The following CMIP variants were observed in gnomAD, a reference collection of about 807,000 sequenced individuals.
The protein encoded by CMIP is c-Maf inducing protein, also known as C-Maf-inducing protein.
Under a neutral mutation model 97.3 loss-of-function variants are expected in CMIP, and 13 were observed. That is an observed-to-expected ratio of 0.13 (90% CI 0.09 to 0.21). The LOEUF (loss-of-function observed/expected upper bound fraction) is 0.21. Among genes scored for constraint, CMIP ranks in the 10% least tolerant of loss-of-function variants. The pLI is 1.00. For synonymous variants in CMIP, 538 were observed against 436.3 expected, an observed-to-expected ratio of 1.23 and a Z score of -2.91; for missense variants, 847 against 1,024.9, an observed-to-expected ratio of 0.83 and a Z score of 2.37.
rs1362389398 is a variant in CMIP at position 81,621,201 on chromosome 16, T to G, written c.477+275T>G. The G allele has an allele frequency of 1.2e-5, 4 of 346,820 alleles. No homozygotes were observed. Among genetic ancestry groups the G allele is most frequent in the Non-Finnish European group, 2.2e-5 (4 of 185,298 alleles). The allele number at this position is 346,820 out of a possible 1,614,324, so 21.5% of individuals were successfully genotyped here. A position where few individuals can be genotyped will look rare whatever the true frequency, so the allele number is the denominator to read the frequency against. On this transcript the variant is annotated intron_variant, in intron 3 of 20. Transcript: ENST00000537098. The surrounding 1 kb of genome is among the most constrained non-coding windows in gnomAD (Gnocchi z 4.1). Reference sequence around the variant, plus strand: ...AAAAGGATCATAGAACTGCTTGCTCTCAGAGTGAGGGCGACCCTGAGGGGA... The same window carrying G: ...AAAAGGATCATAGAACTGCTTGCTCGCAGAGTGAGGGCGACCCTGAGGGGA...
Position 81,701,744 on chromosome 16 carries a change from G to C in CMIP, c.1840G>C (p.Val614Leu). 1 of 1,613,888 alleles carries C rather than the reference G, an allele frequency of 6.2e-7. No individual in the cohort carries two copies. The highest frequency in any genetic ancestry group is 8.5e-7 in the Non-Finnish European group (1 of 1,179,886). Residue 614 changes from valine (V) to leucine (L), a missense_variant, in exon 16 of 21, where the codon GTG becomes CTG. Val to Leu is a conservative substitution (Grantham distance 32). Around this residue, in one of 4 missense-constraint regions of CMIP, gnomAD observed 266 missense variants for 384.2 expected, o/e 0.69. Coordinates refer to ENST00000537098, the MANE Select transcript of CMIP (RefSeq NM_198390.3). ...CATCTCAACCCTGGAGAGCACAGACGTGGGGAAGCGCATGTACGAGCAGCT... is the reference window on the plus strand; with the variant it reads ...CATCTCAACCCTGGAGAGCACAGACCTGGGGAAGCGCATGTACGAGCAGCT... ...QIISTLESTD[V>L]GKRMYEQLCD...
chr16:81,592,522 C>T (rs1028087811), intron 1 of CMIP, among the ~76,000 whole-genome samples: 7 of 152,226 alleles, frequency 4.6e-5, no homozygotes, highest in South Asian at 4.1e-4. Flanking sequence ...CTTCCTCCTG[C>T]GGTGCCTTTG....
chr16:81,549,223 C>T (rs2090607222), intron 1 of CMIP, among the ~76,000 whole-genome samples: 1 of 152,210 alleles, frequency 6.6e-6, no homozygotes, highest in Admixed American at 6.5e-5. Flanking sequence ...GCAGGAGCAC[C>T]TGGGTGACCA....
chr16:81,448,529 G>C (rs1597440216), intron 1 of CMIP, among the ~76,000 whole-genome samples: 1 of 152,234 alleles, frequency 6.6e-6, no homozygotes. Context: ...TGTCTTACCG[G>C]TGGAGCCAGC....
chr16:81,502,499 A>G (rs539334845), intron 1 of CMIP, among the ~76,000 whole-genome samples: 1 of 152,240 alleles, frequency 6.6e-6, no homozygotes, highest in African/African-American at 2.4e-5. Context: ...CAGAACGGAG[A>G]TGTCCTCGTT....
At chr16:81,494,549 C>T (rs1156455216) in intron 1 of CMIP, among the ~76,000 whole-genome samples, 8 of 152,272 alleles carry the variant, frequency 5.3e-5, no homozygotes, top group African/African-American at 1.4e-4. Context: ...TCAGGAAGCA[C>T]GGTATCAAAG....
chr16:81,467,309 G>A lies in CMIP; in HGVS notation c.300+21768G>A, dbSNP rs148323451. 3.1e-3 allele frequency among the ~76,000 whole-genome samples: 473 copies of A among 152,280 alleles called. 2 individuals carry two copies. The highest frequency in any genetic ancestry group is 3.4e-3 in the Non-Finnish European group (229 of 68,024). ...GACAACCTTCTGCCCCGTTGGGAAG[G>A]TGGGACAAAGCCTGCCTAGTGAGGC... On this transcript the variant is annotated intron_variant, in intron 1 of 20. Transcript: ENST00000537098.
At chr16:81,647,313 G>T (rs1454067632) in intron 3 of CMIP, among the ~76,000 whole-genome samples, 6 of 152,152 alleles carry the variant, frequency 3.9e-5, no homozygotes, top group African/African-American at 9.7e-5. Context: ...GCAAATATTT[G>T]GGGCTTTGTG....
At chr16:81,496,652 A>G (rs926674249) in intron 1 of CMIP, among the ~76,000 whole-genome samples, 5 of 152,240 alleles carry the variant, frequency 3.3e-5, no homozygotes, top group African/African-American at 9.6e-5. Flanking sequence ...GGGATTTGGT[A>G]TCACAGCTGT....
At position 81,504,662 on chromosome 16, in the gene CMIP, A is replaced by G. The variant is rs199917108; in HGVS notation, c.300+59121A>G. ...GTCTCAAAAAAAAAAAAAAAAAAAA[A>G]AAAAGAAAAGAAAAGAAAAAATGGC... On this transcript the variant is annotated intron_variant, in intron 1 of 20. Coordinates refer to ENST00000537098, the MANE Select transcript of CMIP (RefSeq NM_198390.3). 0.011 allele frequency among the ~76,000 whole-genome samples: 1,631 copies of G among 142,080 alleles called. 75 individuals are homozygous for G. In the East Asian group the frequency reaches 0.19, roughly 17 times the overall value. 93.2% of individuals were successfully genotyped at this position (142,080 alleles called of 152,430 possible).
chr16:81,465,736 C>T (rs7184769), intron 1 of CMIP, among the ~76,000 whole-genome samples: 6 of 152,304 alleles, frequency 3.9e-5, no homozygotes, highest in African/African-American at 9.6e-5. Flanking sequence ...TGACCCAGCA[C>T]GGTGAGCTGT....
At chr16:81,695,148 G>T (rs1197527639) in intron 13 of CMIP, among the ~76,000 whole-genome samples, 1 of 152,214 alleles carries the variant, frequency 6.6e-6, no homozygotes, top group African/African-American at 2.4e-5. Context: ...CGGTCTGGAA[G>T]GAGCCAGCTC....
At chr16:81,609,574 A>G (rs1019392182) in intron 2 of CMIP, among the ~76,000 whole-genome samples, 2 of 152,258 alleles carry the variant, frequency 1.3e-5, no homozygotes, top group African/African-American at 4.8e-5. Context: ...ATGATTACGG[A>G]AATAATGGCT....
chr16:81,447,194 TG>T (rs1905908071), intron 1 of CMIP, among the ~76,000 whole-genome samples: 1 of 151,212 alleles, frequency 6.6e-6, no homozygotes, highest in South Asian at 2.1e-4. Flanking sequence ...ACCCCAGATC[TG>T]GCTTCAGAAT....
At chr16:81,485,996 C>G (rs764448008) in intron 1 of CMIP, among the ~76,000 whole-genome samples, 1 of 152,202 alleles carries the variant, frequency 6.6e-6, no homozygotes, top group Non-Finnish European at 1.5e-5. Context: ...AGCTCCCAGA[C>G]CTACTGCGGA....
chr16:81,484,926 C>T (rs557709989), intron 1 of CMIP, among the ~76,000 whole-genome samples: 1 of 152,062 alleles, frequency 6.6e-6, no homozygotes, highest in Non-Finnish European at 1.5e-5. Flanking sequence ...TCCCCTCCTG[C>T]CTTCCTCCTC....
chr16:81,455,498 C>A (rs1906492185), intron 1 of CMIP, among the ~76,000 whole-genome samples: 1 of 152,252 alleles, frequency 6.6e-6, no homozygotes, highest in African/African-American at 2.4e-5. Context: ...TACCCCTCCA[C>A]TTCCTTGTAA....
intron 1 of CMIP, among the ~76,000 whole-genome samples, chr16:81,553,580 C>T (rs371842255): frequency 2.0e-5 from 3 of 152,180 alleles, no homozygotes; most frequent in Non-Finnish European, 2.9e-5. Flanking sequence ...TCCTTTCACC[C>T]GGCAGTGGGG....
chr16:81,611,380 C>A (rs1215313010), intron 2 of CMIP: 1 of 152,194 alleles, frequency 6.6e-6, no homozygotes. Context: ...CAGTCTGCAC[C>A]CTGCTGCATT....
Sources: gnomAD v4.1 joint callset for allele counts (sites outside exome capture counted in the v4.1 genomes callset) on GRCh38, gnomAD v4.1.1 for gene constraint, gnomAD v4.1.1 regional missense constraint, Gnocchi (gnomAD v3.1) non-coding constraint, MANE v1.5 for transcripts, NCBI Gene and HGNC (gene_info 2026-07-23, HGNC 2026-07-21) for gene names.